The following STON1 variants were observed in gnomAD, a reference collection of about 807,000 sequenced individuals.
STON1 encodes the protein stonin 1.
A neutral mutation model predicts 60.9 loss-of-function variants in STON1; 79 were observed. The observed-to-expected ratio is 1.30, with a 90% CI of 1.08 to 1.56. The LOEUF (loss-of-function observed/expected upper bound fraction) is 1.56. Among genes scored for constraint, STON1 ranks in the 40% most tolerant of loss-of-function variants. STON1 has a pLI of 0.00. For missense variants in STON1, 1,166 were observed against 858.9 expected, an observed-to-expected ratio of 1.36 and a Z score of -4.47; for synonymous variants, 363 against 306.9, an observed-to-expected ratio of 1.18 and a Z score of -1.91.
intron 1 of STON1, among the ~76,000 whole-genome samples, chr2:48,559,069 A>G (rs1672503605): frequency 6.6e-6 from 1 of 152,276 alleles, no homozygotes; most frequent in Non-Finnish European, 1.5e-5. Flanking sequence ...AATATTTCAA[A>G]ATCTGAAAAC....
intron 1 of STON1, among the ~76,000 whole-genome samples, chr2:48,562,728 G>A (rs1195279141): frequency 1.3e-5 from 2 of 152,150 alleles, no homozygotes; most frequent in African/African-American, 4.8e-5. Flanking sequence ...TTATGAAGGA[G>A]GAGCTCCTTT....
At chr2:48,547,189 C>T (rs948351022) in intron 1 of STON1, among the ~76,000 whole-genome samples, 29 of 152,308 alleles carry the variant, frequency 1.9e-4, no homozygotes, top group African/African-American at 7.0e-4. Context: ...TCTCTGGACT[C>T]TTATTTCCTC....
intron 1 of STON1, among the ~76,000 whole-genome samples, chr2:48,577,242 C>G (rs193244981): frequency 1.3e-5 from 2 of 151,580 alleles, no homozygotes; most frequent in African/African-American, 4.8e-5. Flanking sequence ...GAAATCATTG[C>G]CAAGACCAAT....
intron 1 of STON1, among the ~76,000 whole-genome samples, chr2:48,579,739 A>G (rs531876847): frequency 5.9e-5 from 9 of 152,146 alleles, no homozygotes; most frequent in Non-Finnish European, 1.3e-4. Flanking sequence ...AGTTGAGTTT[A>G]TAGTGTTCAA....
intron 1 of STON1, among the ~76,000 whole-genome samples, chr2:48,564,717 C>CTTTA (rs1672856677): frequency 7.8e-6 from 1 of 127,488 alleles, no homozygotes; most frequent in Non-Finnish European, 1.7e-5. Context: ...CTTATTTCTT[C>CTTTA]TTTCTTTCTT....
chr2:48,540,672 T>C (rs1053696822), intron 1 of STON1, among the ~76,000 whole-genome samples: 1 of 152,310 alleles, frequency 6.6e-6, no homozygotes, highest in East Asian at 1.9e-4. Context: ...CTCCAGCAAA[T>C]TCGCTGAACC....
chr2:48,574,956 A>C (rs1673398744), intron 1 of STON1, among the ~76,000 whole-genome samples: 1 of 152,236 alleles, frequency 6.6e-6, no homozygotes, highest in South Asian at 2.1e-4. Context: ...TTGTACAGCA[A>C]ATCTCTAGAA....
intron 1 of STON1, among the ~76,000 whole-genome samples, chr2:48,569,526 A>T (rs1162228374): frequency 6.6e-6 from 1 of 152,248 alleles, no homozygotes; most frequent in Non-Finnish European, 1.5e-5. Flanking sequence ...TCAGAAATGT[A>T]TTAAGCTTTT....
At chr2:48,590,621 T>C (rs1432068568) in intron 2 of STON1, among the ~76,000 whole-genome samples, 1 of 18,300 alleles carries the variant, frequency 5.5e-5, no homozygotes, top group Non-Finnish European at 1.2e-4. Context: ...ATGAAAATAT[T>C]GATCATTTCC....
intron 1 of STON1, among the ~76,000 whole-genome samples, chr2:48,533,872 C>G (rs377595793): frequency 6.7e-6 from 1 of 150,334 alleles, no homozygotes; most frequent in African/African-American, 2.5e-5. Context: ...TGGGTTCAAG[C>G]GATTCTCCTG....
chr2:48,564,470 CT>C (rs1341579072), intron 1 of STON1, among the ~76,000 whole-genome samples: 2 of 54,528 alleles, frequency 3.7e-5, no homozygotes, highest in African/African-American at 7.3e-5. Context: ...TCTTCTTCTT[CT>C]TCTTCTTCTT....
At chr2:48,580,533 A>G in intron 1 of STON1, 54 bp from the exon 2 acceptor site, 5,351 of 775,682 alleles carry the variant, frequency 6.9e-3, no homozygotes, top group Non-Finnish European at 8.8e-3. Context: ...TTTAGTAATG[A>G]TTCCCCCCTT....
chr2:48,537,576 T>C (rs1175282922), intron 1 of STON1, among the ~76,000 whole-genome samples: 3 of 152,128 alleles, frequency 2.0e-5, no homozygotes, highest in East Asian at 1.9e-4. Flanking sequence ...TGGCTGGGTG[T>C]GGTGGCTCAT....
At chr2:48,565,229 T>C (rs1672889419) in intron 1 of STON1, among the ~76,000 whole-genome samples, 1 of 151,734 alleles carries the variant, frequency 6.6e-6, no homozygotes, top group African/African-American at 2.4e-5. Flanking sequence ...ATTTTTTGTA[T>C]TTTTGGTAGA....
At chr2:48,576,227 G>T (rs1257759258) in intron 1 of STON1, among the ~76,000 whole-genome samples, 2 of 92,716 alleles carry the variant, frequency 2.2e-5, no homozygotes. Context: ...GAGTCTCACT[G>T]TGTTGCCCAG....
intron 1 of STON1, among the ~76,000 whole-genome samples, chr2:48,542,459 C>G (rs1308877268): frequency 1.3e-5 from 2 of 152,148 alleles, no homozygotes; most frequent in Non-Finnish European, 2.9e-5. Flanking sequence ...ATAACAAAAT[C>G]CACCTCAAAA....
In STON1 at chr2:48,573,417, G is replaced by T. The variant is rs181309937; in HGVS notation, c.-47-7170G>T. Among the ~76,000 whole-genome samples, 133 of 152,240 alleles carry T rather than the reference G, an allele frequency of 8.7e-4. 1 individual carries two copies. The highest frequency in any genetic ancestry group is 6.8e-3 in the Middle Eastern group (2 of 294). ...CTGCTTTTGACAGCATTTTCCACTG[G>T]ATGTCAGCCGCCATAGCATCACTTT... On this transcript the variant is annotated intron_variant, in intron 1 of 3. Transcript: ENST00000404752.
intron 1 of STON1, among the ~76,000 whole-genome samples, chr2:48,543,182 C>T (rs1403344889): frequency 6.6e-6 from 1 of 151,918 alleles, no homozygotes; most frequent in African/African-American, 2.4e-5. Flanking sequence ...ACCATGTTGG[C>T]CAGGCTGATC....
intron 1 of STON1, among the ~76,000 whole-genome samples, chr2:48,571,474 G>A (rs1351961263): frequency 6.6e-6 from 1 of 152,118 alleles, no homozygotes; most frequent in Non-Finnish European, 1.5e-5. Flanking sequence ...GGAGGAACAG[G>A]TACATATCTA....
Sources: allele counts gnomAD v4.1 joint callset (sites outside exome capture counted in the v4.1 genomes callset), GRCh38; gene constraint gnomAD v4.1.1; transcripts MANE v1.5; gene names NCBI Gene and HGNC (gene_info 2026-07-23, HGNC 2026-07-21).